The following EPSTI1 variants were observed in gnomAD, a reference collection of about 807,000 sequenced individuals.
EPSTI1 encodes epithelial-stromal interaction protein 1.
Under a neutral mutation model 49.9 loss-of-function variants are expected in EPSTI1, and 66 were observed. The observed-to-expected ratio is 1.32, with a 90% CI of 1.08 to 1.62. EPSTI1 has a LOEUF of 1.62. Ranked by LOEUF, EPSTI1 falls within the 40% of genes most tolerant of loss-of-function variation. The probability of loss-of-function intolerance (pLI) is 0.00; values close to 1 mark genes in which losing one functional copy is unlikely to be tolerated. For synonymous variants in EPSTI1, 137 were observed against 130.7 expected (o/e 1.05, Z -0.33); for missense variants, 394 against 365.5 (o/e 1.08, Z -0.64).
At chr13:42,951,071 C>T (rs1367447383) in intron 6 of EPSTI1, among the ~76,000 whole-genome samples, 1 of 152,050 alleles carries the variant, frequency 6.6e-6, no homozygotes, top group African/African-American at 2.4e-5. Context: ...GCTGGAGAAT[C>T]GCTTGAACCC....
intron 1 of EPSTI1, among the ~76,000 whole-genome samples, chr13:42,982,954 C>T (rs2040011784): frequency 6.6e-6 from 1 of 152,178 alleles, no homozygotes; most frequent in Non-Finnish European, 1.5e-5. Flanking sequence ...TGTCATTAGA[C>T]CATACTCCTT....
At chr13:42,989,185 T>C (rs538381939) in intron 1 of EPSTI1, among the ~76,000 whole-genome samples, 1 of 148,072 alleles carries the variant, frequency 6.8e-6, no homozygotes, top group Non-Finnish European at 1.5e-5. Context: ...TAAACCAGTG[T>C]TTTTTTTTAA....
At chr13:42,984,592 T>C (rs1056460091) in intron 1 of EPSTI1, among the ~76,000 whole-genome samples, 1 of 152,244 alleles carries the variant, frequency 6.6e-6, no homozygotes, top group Non-Finnish European at 1.5e-5. Flanking sequence ...AGTGACTTTA[T>C]TATTGTATAT....
At chr13:42,965,917 CCGAATGCCTGCAATTGCAGGCA>C (rs1353831418) in intron 3 of EPSTI1, among the ~76,000 whole-genome samples, 41 of 60,290 alleles carry the variant, frequency 6.8e-4, no homozygotes, top group Non-Finnish European at 5.3e-4. Context: ...CCTCAGTCTG[CCGAATGCCTGCAATTGCAGGCA>C]CGCGCCGCCA....
At chr13:42,945,805 T>C (rs973193853) in intron 6 of EPSTI1, among the ~76,000 whole-genome samples, 1 of 152,164 alleles carries the variant, frequency 6.6e-6, no homozygotes, top group Non-Finnish European at 1.5e-5. Flanking sequence ...GGAGAATTGA[T>C]AGTGGGTAGA....
intron 6 of EPSTI1, among the ~76,000 whole-genome samples, chr13:42,939,708 A>G (rs566534598): frequency 6.6e-6 from 1 of 152,352 alleles, no homozygotes; most frequent in African/African-American, 2.4e-5. Flanking sequence ...ATGTAATTAT[A>G]ACGAAAAGTC....
At position 42,963,244 on chromosome 13, in the gene EPSTI1, C is replaced by T. The variant is rs180735457; in HGVS notation, c.489+11G>A. 21 of 1,605,886 alleles carry T rather than the reference C, an allele frequency of 1.3e-5. No homozygotes were observed. The highest frequency in any genetic ancestry group is 1.7e-5 in the Non-Finnish European group (20 of 1,173,822). ...GATCAGCAAATGTGAACTAATCCTC[C>T]TCCTCCTTACCTTCTCTCTCTGAAT... is the stretch of plus-strand genomic sequence containing the variant. On this transcript the variant is annotated intron_variant, in intron 5 of 10. Transcript: ENST00000313624.
intron 5 of EPSTI1, among the ~76,000 whole-genome samples, chr13:42,960,740 T>C (rs1397016745): frequency 6.6e-6 from 1 of 152,212 alleles, no homozygotes; most frequent in Non-Finnish European, 1.5e-5. Context: ...CTTTTCCAGC[T>C]TCTAGAGGCT....
At chr13:42,937,238 A>G (rs1245078421) in intron 6 of EPSTI1, among the ~76,000 whole-genome samples, 1 of 152,270 alleles carries the variant, frequency 6.6e-6, no homozygotes, top group East Asian at 1.9e-4. Flanking sequence ...AAATGCTAAC[A>G]TCTGAGCCTT....
chr13:42,901,250 T>C (rs756323566), intron 8 of EPSTI1, among the ~76,000 whole-genome samples: 14 of 152,138 alleles, frequency 9.2e-5, no homozygotes, highest in Non-Finnish European at 1.8e-4. Flanking sequence ...CAATAAAAGG[T>C]TGCTATTGTT....
At position 42,964,098 on chromosome 13, in the gene EPSTI1, G is replaced by T. The variant is rs1349676934; in HGVS notation, c.373C>A (p.Leu125Ile). 2 of 1,613,348 alleles carry T rather than the reference G, an allele frequency of 1.2e-6. No homozygotes were observed. Among genetic ancestry groups the T allele is most frequent in the Non-Finnish European group, 1.7e-6 (2 of 1,179,696 alleles). The change falls in exon 4 of 11, where the codon CTC becomes ATC. Residue 125 changes from leucine (L) to isoleucine (I), a missense_variant. Transcript: ENST00000313624. Reference sequence around the variant, plus strand: ...TTGTATTTAGATTGCATCAGCTGGAGTTGTTGTTTCTGTCTGACTTCAGTT... The same window carrying T: ...TTGTATTTAGATTGCATCAGCTGGATTTGTTGTTTCTGTCTGACTTCAGTT... Reference protein sequence around the residue: ...SETEVRQKQQLQLMQSKYKQK... With the variant: ...SETEVRQKQQIQLMQSKYKQK...
At chr13:42,914,562 T>C (rs2037777608) in intron 8 of EPSTI1, among the ~76,000 whole-genome samples, 1 of 152,158 alleles carries the variant, frequency 6.6e-6, no homozygotes, top group Admixed American at 6.5e-5. Flanking sequence ...AGGAAGCAAT[T>C]TCAGTGACAG....
In EPSTI1 at chr13:42,958,177, G is replaced by A. The variant is rs181138919; in HGVS notation, c.490-4156C>T. On this transcript the variant is annotated intron_variant, in intron 5 of 10. Transcript: ENST00000313624. ...GCCCACCAACAAATGAGGAATCAGA[G>A]AAGGAAAGGAATCAGAGAAGGTAAG... Among the ~76,000 whole-genome samples, 139 of 152,164 alleles carry A rather than the reference G, an allele frequency of 9.1e-4. 2 individuals are homozygous for A. Among genetic ancestry groups the A allele is most frequent in the African/African-American group, 3.1e-3 (130 of 41,546 alleles).
chr13:42,935,887 C>T lies in EPSTI1; in HGVS notation c.564-9458G>A, dbSNP rs138507324. Among the ~76,000 whole-genome samples, 540 of 152,228 alleles carry T rather than the reference C, an allele frequency of 3.5e-3. 1 individual carries two copies. Among genetic ancestry groups the T allele is most frequent in the African/African-American group, 0.013 (521 of 41,534 alleles). The stretch of plus-strand genomic sequence containing the variant: ...GATTAGAGGTGTGAGCCACCATGCC[C>T]GGCCCACTCATGAATTCTTCTCCTG... On this transcript the variant is annotated intron_variant, in intron 6 of 10. Coordinates refer to ENST00000313624, the MANE Select transcript of EPSTI1 (RefSeq NM_033255.5).
At chr13:42,894,487 A>G in intron 10 of EPSTI1, among the ~76,000 whole-genome samples, 1 of 152,200 alleles carries the variant, frequency 6.6e-6, no homozygotes, top group East Asian at 1.9e-4. Context: ...ACATATTGCA[A>G]CACAGTTGCA....
At chr13:42,913,658 C>A (rs1309893391) in intron 8 of EPSTI1, among the ~76,000 whole-genome samples, 1 of 152,130 alleles carries the variant, frequency 6.6e-6, no homozygotes, top group Non-Finnish European at 1.5e-5. Context: ...ACAGTTCATG[C>A]AAAGTAGGAT....
intron 5 of EPSTI1, among the ~76,000 whole-genome samples, chr13:42,959,281 C>T (rs2039370848): frequency 6.6e-6 from 1 of 152,190 alleles, no homozygotes; most frequent in Non-Finnish European, 1.5e-5. Context: ...TAGCGAGATC[C>T]TATTACATTT....
intron 1 of EPSTI1, among the ~76,000 whole-genome samples, chr13:42,971,191 GC>G (rs2039758334): frequency 6.6e-6 from 1 of 152,202 alleles, no homozygotes; most frequent in African/African-American, 2.4e-5. Context: ...CACAGGTTGA[GC>G]ATAATCAGGG....
intron 5 of EPSTI1, among the ~76,000 whole-genome samples, chr13:42,961,815 G>A (rs2039459873): frequency 6.6e-6 from 1 of 152,200 alleles, no homozygotes; most frequent in South Asian, 2.1e-4. Context: ...GTGGCAATAG[G>A]CTGCTTGGAT....
Sources: gnomAD v4.1 joint callset for allele counts (sites outside exome capture counted in the v4.1 genomes callset) on GRCh38, gnomAD v4.1.1 for gene constraint, MANE v1.5 for transcripts, NCBI Gene and HGNC (gene_info 2026-07-23, HGNC 2026-07-21) for gene names.